The following RASGRP3 variants were observed in gnomAD, a reference collection of about 807,000 sequenced individuals.
The protein encoded by RASGRP3 is RAS guanyl releasing protein 3.
RASGRP3 carries 54 observed loss-of-function variants against 82.7 expected under a neutral mutation model. The ratio of observed to expected loss-of-function variants is 0.65; its 90% CI spans 0.52 to 0.82. RASGRP3 has a LOEUF of 0.82. RASGRP3 is among the 40% of genes least tolerant of loss of function. The probability of loss-of-function intolerance (pLI) is 0.00; values close to 1 mark genes in which losing one functional copy is unlikely to be tolerated. For synonymous variants in RASGRP3, 309 were observed against 300.5 expected, an observed-to-expected ratio of 1.03 and a Z score of -0.29; for missense variants, 861 against 828.9, an observed-to-expected ratio of 1.04 and a Z score of -0.48.
intron 2 of RASGRP3, among the ~76,000 whole-genome samples, chr2:33,469,171 CCAGTTGTTA>C (rs1666903086): frequency 6.6e-6 from 1 of 152,012 alleles, no homozygotes; most frequent in Non-Finnish European, 1.5e-5. Context: ...TTATTAATAT[CCAGTTGTTA>C]ATTGTAAATG....
At position 33,516,268 on chromosome 2, in the gene RASGRP3, C is replaced by T. The variant is rs548526265; in HGVS notation, c.71-274C>T. 2.3e-4 allele frequency among the ~76,000 whole-genome samples: 35 copies of T among 152,152 alleles called. No homozygotes were observed. The East Asian group carries it at 6.4e-3, about 28-fold the overall frequency. On this transcript the variant is annotated intron_variant, in intron 3 of 17. Transcript: ENST00000403687. ...ACTAAAAATAGAAAAATTTGCCAGG[C>T]GTGGTGGCAGGCGCCTGTAGTCCCA... is the stretch of plus-strand genomic sequence containing the variant.
intron 2 of RASGRP3, among the ~76,000 whole-genome samples, chr2:33,455,621 A>G (rs1428467895): frequency 2.6e-5 from 4 of 152,256 alleles, no homozygotes; most frequent in Admixed American, 6.5e-5. Context: ...AGACCGCCCG[A>G]GGAGCCATGT....
chr2:33,558,152 T>C, intron 15 of RASGRP3, 59 bp from the exon 16 acceptor site: 1 of 1,575,722 alleles, frequency 6.3e-7, no homozygotes, highest in Non-Finnish European at 8.6e-7. Context: ...AGTGCCACCC[T>C]GGAAACTGAA....
chr2:33,490,216 C>A (rs1196986905), intron 1 of RASGRP3, among the ~76,000 whole-genome samples: 1 of 152,150 alleles, frequency 6.6e-6, no homozygotes, highest in Non-Finnish European at 1.5e-5. Context: ...GTGCATCGGT[C>A]TGCTTCAGTA....
intron 1 of RASGRP3, among the ~76,000 whole-genome samples, chr2:33,507,474 G>A (rs1046268329): frequency 6.6e-6 from 1 of 152,302 alleles, no homozygotes; most frequent in African/African-American, 2.4e-5. Context: ...AGGAAAGGTG[G>A]CTCTGGTGGT....
In RASGRP3 at chr2:33,550,334, G is replaced by A. The variant is rs1675237153; in HGVS notation, c.1542+583G>A. ...TTACTTTCACCATCTTGCTTATGAA[G>A]ATAGAGGTTCAAAGAGGATAACCCA... On this transcript the variant is annotated intron_variant, in intron 14 of 17. Coordinates refer to ENST00000403687, the MANE Select transcript of RASGRP3 (RefSeq NM_001139488.2). 2.0e-5 allele frequency among the ~76,000 whole-genome samples: 3 copies of A among 152,270 alleles called. No homozygotes were observed. The South Asian group carries it at 6.2e-4, about 32-fold the overall frequency.
intron 4 of RASGRP3, among the ~76,000 whole-genome samples, chr2:33,517,455 G>C (rs1558473304): frequency 6.6e-6 from 1 of 152,196 alleles, no homozygotes; most frequent in African/African-American, 2.4e-5. Context: ...TAGAGAGAGA[G>C]GCACAGCCTT....
chr2:33,559,093 C>T (rs1423674656), intron 17 of RASGRP3, 63 bp downstream of exon 17: 14 of 1,368,792 alleles, frequency 1.0e-5, no homozygotes, highest in African/African-American at 2.9e-5. Flanking sequence ...CTGAGATGAG[C>T]GTTACAGAGG....
chr2:33,550,970 C>T (rs1344852974), intron 14 of RASGRP3, among the ~76,000 whole-genome samples: 2 of 152,178 alleles, frequency 1.3e-5, no homozygotes, highest in African/African-American at 4.8e-5. Flanking sequence ...AGGTGAAGTT[C>T]TTCTTTAGTA....
At chr2:33,559,526 G>A (rs993212866) in intron 17 of RASGRP3, 7 of 484,204 alleles carry the variant, frequency 1.4e-5, no homozygotes, top group African/African-American at 9.8e-5. Flanking sequence ...GGCCCTTGAG[G>A]ATCTCTAAAC....
rs56664748 is a variant in RASGRP3, at chr2:33,529,487, C to CAAAAAAAAAAAAA, written c.1083+2076_1083+2088dup. Reference sequence around the variant, plus strand: ...TGGGCGACAGAGCGAGACTCCATCTCAAAAAAAAAAAAATTCAGGAGTACA... The same window carrying CAAAAAAAAAAAAA: ...TGGGCGACAGAGCGAGACTCCATCTCAAAAAAAAAAAAAAAAAAAAAAAAAATTCAGGAGTACA... On this transcript the variant is annotated intron_variant, in intron 10 of 17. Transcript: ENST00000403687. 1.9e-4 allele frequency among the ~76,000 whole-genome samples: 11 copies of CAAAAAAAAAAAAA among 57,018 alleles called. 1 individual carries two copies. Among genetic ancestry groups the CAAAAAAAAAAAAA allele is most frequent in the African/African-American group, 2.8e-4 (3 of 10,784 alleles). 37.4% of individuals were successfully genotyped at this position (57,018 alleles called of 152,430 possible).
rs1671332443 is a variant in RASGRP3 at position 33,515,216 on chromosome 2, T to C, written c.70+10T>C. The C allele has an allele frequency of 1.9e-6, 3 of 1,613,140 alleles. No individual in the cohort carries two copies. The highest frequency in any genetic ancestry group is 2.2e-5 in the South Asian group (2 of 91,046). The stretch of plus-strand genomic sequence containing the variant: ...TGCATTGAGATGTTTGGTACGAGCC[T>C]TTTCTCCTTTCATCTCTTTTGGATC... On this transcript the variant is annotated intron_variant, in intron 3 of 17. Transcript: ENST00000403687.
chr2:33,536,816 C>T (rs1418852188), intron 11 of RASGRP3, among the ~76,000 whole-genome samples: 2 of 152,164 alleles, frequency 1.3e-5, no homozygotes, highest in East Asian at 3.9e-4. Context: ...CATTCAAGCC[C>T]TTTGCTGGAG....
In RASGRP3 at chr2:33,457,510, T is replaced by G. The variant is rs1029225424; in HGVS notation, c.-261+9567T>G. The stretch of plus-strand genomic sequence containing the variant: ...TTCATGGCTACATGATGTATACAGC[T>G]TTGAATGAATGCATTAAGATTGTTT... On this transcript the variant is annotated intron_variant, in intron 2 of 18. Transcript: ENST00000402538. Among the ~76,000 whole-genome samples the G allele has an allele frequency of 1.4e-4, 21 of 152,254 alleles. 1 individual carries two copies. The highest frequency in any genetic ancestry group is 3.9e-4 in the African/African-American group (16 of 41,480).
chr2:33,472,058 A>C (rs965539107), upstream of RASGRP3, among the ~76,000 whole-genome samples: 1 of 152,234 alleles, frequency 6.6e-6, no homozygotes, highest in Non-Finnish European at 1.5e-5. Context: ...AGCCTAATAT[A>C]AAATCAAGTT....
At chr2:33,535,291 G>T (rs546154115) in intron 11 of RASGRP3, among the ~76,000 whole-genome samples, 1 of 152,294 alleles carries the variant, frequency 6.6e-6, no homozygotes, top group South Asian at 2.1e-4. Flanking sequence ...TTTAGTGGAT[G>T]GACTATATTT....
intron 1 of RASGRP3, among the ~76,000 whole-genome samples, chr2:33,484,401 C>T (rs1668185072): frequency 6.6e-6 from 1 of 152,162 alleles, no homozygotes; most frequent in Non-Finnish European, 1.5e-5. Flanking sequence ...AAACTCATAC[C>T]ATGAGTTCAA....
chr2:33,438,730 T>G (rs1413365355), intron 1 of RASGRP3, among the ~76,000 whole-genome samples: 1 of 152,160 alleles, frequency 6.6e-6, no homozygotes, highest in Non-Finnish European at 1.5e-5. Flanking sequence ...AATTATCAAT[T>G]TTTTAGCTTT....
At chr2:33,549,080 T>C (rs1002840158) in intron 13 of RASGRP3, among the ~76,000 whole-genome samples, 2 of 151,926 alleles carry the variant, frequency 1.3e-5, no homozygotes, top group African/African-American at 4.8e-5. Context: ...CTGTGTGGAG[T>C]AGATCTGGAA....
Sources: allele counts gnomAD v4.1 joint callset (sites outside exome capture counted in the v4.1 genomes callset), GRCh38; gene constraint gnomAD v4.1.1; transcripts MANE v1.5; gene names NCBI Gene and HGNC (gene_info 2026-07-23, HGNC 2026-07-21).